KIZ: variants seen among roughly 807,000 people sequenced by gnomAD.
KIZ encodes the protein centrosomal protein kizuna.
Under a neutral mutation model 79.6 loss-of-function variants are expected in KIZ, and 68 were observed. The ratio of observed to expected loss-of-function variants is 0.85; its 90% CI spans 0.70 to 1.05. The LOEUF (loss-of-function observed/expected upper bound fraction) is 1.05, where lower values mean the gene tolerates loss of function less well. Among genes scored for constraint, KIZ ranks in the 50% least tolerant of loss-of-function variants. The pLI, the probability that KIZ is intolerant of heterozygous loss-of-function variation, is 0.00. For missense variants in KIZ, 797 were observed against 800.4 expected, an observed-to-expected ratio of 1.00 and a Z score of 0.05; for synonymous variants, 280 against 281.8, an observed-to-expected ratio of 0.99 and a Z score of 0.06.
intron 2 of KIZ, among the ~76,000 whole-genome samples, chr20:21,133,854 A>G (rs2032003124): frequency 6.6e-6 from 1 of 152,174 alleles, no homozygotes; most frequent in African/African-American, 2.4e-5. Flanking sequence ...CCTTCAGAGG[A>G]GCAGTGTAGA....
chr20:21,241,745 T>C (rs2037223951), intron 11 of KIZ, among the ~76,000 whole-genome samples: 1 of 152,210 alleles, frequency 6.6e-6, no homozygotes. Flanking sequence ...ACCTCCGTGG[T>C]GGGACTCAGC....
rs200055623 is a variant in KIZ, at chr20:21,220,496, A to G, written c.1678+4848A>G. On this transcript the variant is annotated intron_variant, in intron 9 of 12. Transcript: ENST00000619189. ...TTGTTTTTTTATTATTTATTTATTT[A>G]TTTTTGAGACAGAGTCTCACTCCAT... Among the ~76,000 whole-genome samples the G allele has an allele frequency of 4.0e-5, 6 of 151,764 alleles. No individual in the cohort carries two copies. The East Asian group carries it at 1.2e-3, about 30-fold the overall frequency.
chr20:21,174,543 G>A (rs1305414754), intron 6 of KIZ, among the ~76,000 whole-genome samples: 1 of 152,190 alleles, frequency 6.6e-6, no homozygotes, highest in African/African-American at 2.4e-5. Context: ...AAACTAAGCA[G>A]TGGCAATTTG....
intron 6 of KIZ, among the ~76,000 whole-genome samples, chr20:21,175,704 C>T (rs1446557316): frequency 6.6e-6 from 1 of 152,182 alleles, no homozygotes; most frequent in East Asian, 1.9e-4. Context: ...CCACATGTCT[C>T]AGACCTTAGT....
chr20:21,146,043 C>T (rs1376314597), intron 4 of KIZ, among the ~76,000 whole-genome samples: 2 of 152,104 alleles, frequency 1.3e-5, no homozygotes, highest in African/African-American at 4.8e-5. Flanking sequence ...AACCTTTGCA[C>T]AGAAAACGTG....
intron 10 of KIZ, among the ~76,000 whole-genome samples, chr20:21,230,498 C>G (rs1858733291): frequency 6.6e-6 from 1 of 152,100 alleles, no homozygotes; most frequent in Admixed American, 6.5e-5. Flanking sequence ...CTTTTTCAGA[C>G]AGATATTTTC....
chr20:21,156,994 C>T (rs2033417314), intron 4 of KIZ, among the ~76,000 whole-genome samples: 1 of 152,140 alleles, frequency 6.6e-6, no homozygotes, highest in East Asian at 1.9e-4. Flanking sequence ...CATGCTGATG[C>T]ACACCTGCAG....
chr20:21,239,875 C>G (rs767338693), intron 11 of KIZ, among the ~76,000 whole-genome samples: 31 of 152,092 alleles, frequency 2.0e-4, no homozygotes, highest in Non-Finnish European at 3.2e-4. Flanking sequence ...TAGCATTGTC[C>G]TAATCTGGTT....
chr20:21,140,327 G>A (rs945279095), intron 3 of KIZ, among the ~76,000 whole-genome samples: 1 of 152,182 alleles, frequency 6.6e-6, no homozygotes, highest in Non-Finnish European at 1.5e-5. Flanking sequence ...ACCTTGAACA[G>A]ACTACAGTTA....
chr20:21,160,813 G>A (rs931415554), intron 4 of KIZ: 1 of 152,164 alleles, frequency 6.6e-6, no homozygotes, highest in African/African-American at 2.4e-5. Flanking sequence ...TTATAAAAGA[G>A]GCCCGTGGAA....
chr20:21,197,114 C>T (rs2035373758), intron 6 of KIZ: 1 of 152,286 alleles, frequency 6.6e-6, no homozygotes, highest in Admixed American at 6.5e-5. Flanking sequence ...GTTTTGTCTT[C>T]TCCTATAGCT....
At chr20:21,178,900 G>T (rs1324450913) in intron 6 of KIZ, among the ~76,000 whole-genome samples, 1 of 152,068 alleles carries the variant, frequency 6.6e-6, no homozygotes, top group South Asian at 2.1e-4. Context: ...ATTCATTCTT[G>T]CATCCCAGGG....
intron 11 of KIZ, among the ~76,000 whole-genome samples, 164 bp from the exon 12 acceptor site, chr20:21,244,081 G>A (rs958582765): frequency 6.6e-6 from 1 of 152,164 alleles, no homozygotes; most frequent in Non-Finnish European, 1.5e-5. Flanking sequence ...ACAAGGCCAC[G>A]CTGCATCCCG....
Position 21,137,907 on chromosome 20 carries a change from G to T in KIZ, c.315+1355G>T, listed in dbSNP as rs1219709083. Among the ~76,000 whole-genome samples the T allele has an allele frequency of 2.0e-5, 3 of 152,150 alleles. No homozygotes were observed. The East Asian group carries it at 5.8e-4, about 29-fold the overall frequency. ...GCCTCCCTCCTCAGCCTCAAGCTGG[G>T]ACTATAGGCATGCACCACCATGCCT... On this transcript the variant is annotated intron_variant, in intron 3 of 12. Transcript: ENST00000619189.
chr20:21,151,291 C>G (rs927255198), intron 4 of KIZ: 1 of 152,090 alleles, frequency 6.6e-6, no homozygotes, highest in African/African-American at 2.4e-5. Context: ...TAGCTACTCT[C>G]TCATAGTCAA....
chr20:21,233,717 C>G (rs1356833539), intron 11 of KIZ, among the ~76,000 whole-genome samples: 2 of 151,952 alleles, frequency 1.3e-5, no homozygotes, highest in Non-Finnish European at 2.9e-5. Flanking sequence ...ACCAGAAATG[C>G]TGAATTTTTT....
At chr20:21,149,888 C>A (rs1307949716) in intron 4 of KIZ, among the ~76,000 whole-genome samples, 1 of 152,136 alleles carries the variant, frequency 6.6e-6, no homozygotes. Context: ...TGGGAAGGAC[C>A]CTAACACAAG....
intron 5 of KIZ, 121 bp from the exon 6 acceptor site, chr20:21,162,729 C>A (rs1298427614): frequency 8.0e-6 from 7 of 876,744 alleles, no homozygotes; most frequent in Non-Finnish European, 1.2e-5. Flanking sequence ...TTTTAAGTTC[C>A]GTAATGAATT....
intron 6 of KIZ, 110 bp downstream of exon 6, chr20:21,163,269 T>G: frequency 1.3e-6 from 1 of 744,172 alleles, no homozygotes; most frequent in Non-Finnish European, 2.2e-6. Context: ...AATGTGTAAA[T>G]TCCTTAAGTC....
Sources: gnomAD v4.1 joint callset for allele counts (sites outside exome capture counted in the v4.1 genomes callset) on GRCh38, gnomAD v4.1.1 for gene constraint, MANE v1.5 for transcripts, NCBI Gene and HGNC (gene_info 2026-07-23, HGNC 2026-07-21) for gene names.